Variants in GSE1 observed in about 807,000 individuals in gnomAD.
GSE1 encodes the protein genetic suppressor element 1.
GSE1 carries 32 observed loss-of-function variants against 112.6 expected under a neutral mutation model. The observed-to-expected ratio is 0.28, with a 90% CI of 0.21 to 0.38. The LOEUF is 0.38. GSE1 is among the 10% of genes least tolerant of loss of function. GSE1 has a pLI of 1.00. For missense variants in GSE1, 2,348 were observed against 1,699.2 expected (o/e 1.38, Z -6.71); for synonymous variants, 1,115 against 735.6 (o/e 1.52, Z -8.35).
At chr16:85,446,112 C>G (rs1279735570) in intron 2 of GSE1, among the ~76,000 whole-genome samples, 1 of 152,192 alleles carries the variant, frequency 6.6e-6, no homozygotes, top group Non-Finnish European at 1.5e-5. Context: ...AGTATGATTG[C>G]TTCCAGAGAG....
chr16:85,476,925 CTTTT>C (rs55732128), intron 2 of GSE1, among the ~76,000 whole-genome samples: 3 of 117,768 alleles, frequency 2.5e-5, no homozygotes, highest in Non-Finnish European at 3.4e-5. Context: ...GTATGTGGTT[CTTTT>C]TTTTTTTTTT....
chr16:85,214,996 C>G (rs555328642), intron 1 of GSE1, among the ~76,000 whole-genome samples: 2 of 152,192 alleles, frequency 1.3e-5, no homozygotes, highest in Middle Eastern at 3.2e-3. Context: ...GACACAATGC[C>G]AGGCGCAAGG....
chr16:85,185,195 TGA>T (rs912096267), intron 1 of GSE1: 1 of 152,242 alleles, frequency 6.6e-6, no homozygotes, highest in African/African-American at 2.4e-5. Context: ...CTCTTTTATC[TGA>T]ATTATTCACA....
intron 1 of GSE1, among the ~76,000 whole-genome samples, chr16:85,307,613 C>CAGAG (rs1567677782): frequency 6.6e-6 from 1 of 151,784 alleles, no homozygotes; most frequent in Non-Finnish European, 1.5e-5. Context: ...TGATGGCACA[C>CAGAG]AGCATTGCCA....
chr16:85,349,594 C>G (rs1294394855), intron 1 of GSE1, among the ~76,000 whole-genome samples: 1 of 152,098 alleles, frequency 6.6e-6, no homozygotes, highest in Non-Finnish European at 1.5e-5. Flanking sequence ...GCCCGCCGCC[C>G]TCCCTAGCCA....
At chr16:85,569,140 A>C (rs985895917) in intron 1 of GSE1, among the ~76,000 whole-genome samples, 1 of 152,180 alleles carries the variant, frequency 6.6e-6, no homozygotes, top group South Asian at 2.1e-4. Context: ...TCTCCCCGAC[A>C]GGGCCAACCC....
intron 2 of GSE1, among the ~76,000 whole-genome samples, chr16:85,497,778 G>A (rs1055346765): frequency 1.3e-5 from 2 of 152,152 alleles, no homozygotes; most frequent in South Asian, 2.1e-4. Context: ...TGGGGAACCC[G>A]GGGTGGGGCA....
chr16:85,663,295 A>G, intron 10 of GSE1, 49 bp from the exon 11 acceptor site: 1 of 1,600,342 alleles, frequency 6.2e-7, no homozygotes, highest in South Asian at 1.1e-5. Flanking sequence ...CAGTGCAAGC[A>G]TACCACTGCC....
intron 1 of GSE1, among the ~76,000 whole-genome samples, chr16:85,173,180 C>G (rs867153373): frequency 1.2e-4 from 19 of 152,328 alleles, no homozygotes; most frequent in Middle Eastern, 3.4e-3. Flanking sequence ...AGACTGACCC[C>G]AGTTCATTTG....
chr16:85,604,942 C>T (rs1213420865), intron 1 of GSE1, among the ~76,000 whole-genome samples: 5 of 136,004 alleles, frequency 3.7e-5, no homozygotes, highest in Admixed American at 2.3e-4. Context: ...CTCAGCCTCC[C>T]GAGTAGCTGG....
At chr16:85,273,730 C>G (rs1219439238) in intron 1 of GSE1, among the ~76,000 whole-genome samples, 1 of 151,992 alleles carries the variant, frequency 6.6e-6, no homozygotes, top group South Asian at 2.1e-4. Context: ...GCCCTTGTCG[C>G]CCAGTCTGGA....
intron 1 of GSE1, among the ~76,000 whole-genome samples, chr16:85,343,226 C>T (rs1297960866): frequency 6.6e-6 from 1 of 152,154 alleles, no homozygotes; most frequent in Non-Finnish European, 1.5e-5. Context: ...TCCAGAGGAC[C>T]GCGCTGAACG....
chr16:85,341,008 TG>T (rs1039911839), intron 1 of GSE1, among the ~76,000 whole-genome samples: 5 of 152,204 alleles, frequency 3.3e-5, no homozygotes, highest in Non-Finnish European at 7.3e-5. Flanking sequence ...TTAAAATATG[TG>T]GAAAGTATTT....
At chr16:85,435,903 C>G (rs1022061178) in intron 2 of GSE1, among the ~76,000 whole-genome samples, 7 of 152,086 alleles carry the variant, frequency 4.6e-5, no homozygotes, top group African/African-American at 9.7e-5. Context: ...CCACAGGGGA[C>G]TTGTGTGTGC....
intron 1 of GSE1, among the ~76,000 whole-genome samples, chr16:85,589,914 T>A (rs2046907064): frequency 6.7e-6 from 1 of 149,136 alleles, no homozygotes; most frequent in African/African-American, 2.4e-5. Flanking sequence ...TGAACCTGAG[T>A]GATTGAGCAT....
At chr16:85,642,028 C>T (rs1366674900) in intron 2 of GSE1, among the ~76,000 whole-genome samples, 3 of 152,276 alleles carry the variant, frequency 2.0e-5, no homozygotes, top group Admixed American at 6.5e-5. Flanking sequence ...CGCCCTCCCT[C>T]CAGCTGTTCC....
At chr16:85,647,435 T>C (rs2050967194) in intron 2 of GSE1, among the ~76,000 whole-genome samples, 1 of 152,216 alleles carries the variant, frequency 6.6e-6, no homozygotes, top group Non-Finnish European at 1.5e-5. Flanking sequence ...TGGTGAATTA[T>C]ATCTCATTTT....
intron 1 of GSE1, among the ~76,000 whole-genome samples, chr16:85,214,456 C>T (rs935922610): frequency 1.3e-5 from 2 of 152,178 alleles, no homozygotes; most frequent in Admixed American, 6.5e-5. Context: ...CCAAGCGATG[C>T]GCAGGATGGT....
At chr16:85,183,537 G>T (rs1262355309) in intron 1 of GSE1, among the ~76,000 whole-genome samples, 1 of 152,230 alleles carries the variant, frequency 6.6e-6, no homozygotes, top group Admixed American at 6.5e-5. Flanking sequence ...TCTCATCTGT[G>T]ACCCCAGAGG....
Sources: allele counts gnomAD v4.1 joint callset (sites outside exome capture counted in the v4.1 genomes callset), GRCh38; gene constraint gnomAD v4.1.1; transcripts MANE v1.5; gene names NCBI Gene and HGNC (gene_info 2026-07-23, HGNC 2026-07-21).